The following RHBDL3 variants were observed in gnomAD, a reference collection of about 807,000 sequenced individuals.
The protein encoded by RHBDL3 is rhomboid-related protein 3.
A neutral mutation model predicts 48.2 loss-of-function variants in RHBDL3; 28 were observed. The observed-to-expected ratio is 0.58, with a 90% CI of 0.43 to 0.80. The LOEUF is 0.80. Ranked by LOEUF, RHBDL3 falls within the 30% of genes least tolerant of loss-of-function variation. The pLI is 0.00. For synonymous variants in RHBDL3, 208 were observed against 232.3 expected (o/e 0.90, Z 0.95); for missense variants, 464 against 542.7 (o/e 0.85, Z 1.44).
At chr17:32,297,094 A>G (rs1161168187) in intron 5 of RHBDL3, among the ~76,000 whole-genome samples, 1 of 151,274 alleles carries the variant, frequency 6.6e-6, no homozygotes, top group Non-Finnish European at 1.5e-5. Context: ...CAGGTGATCC[A>G]CCTGTCTGGG....
chr17:32,270,519 G>A (rs886291818), intron 2 of RHBDL3, among the ~76,000 whole-genome samples: 1 of 151,912 alleles, frequency 6.6e-6, no homozygotes, highest in African/African-American at 2.4e-5. Context: ...GGTCACCGTC[G>A]AACTAAATGG....
intron 2 of RHBDL3, among the ~76,000 whole-genome samples, chr17:32,276,974 C>T (rs1406522345): frequency 6.7e-6 from 1 of 149,310 alleles, no homozygotes; most frequent in Non-Finnish European, 1.5e-5. Context: ...CACAGTACTG[C>T]AGCCCTAGCA....
At chr17:32,292,464 AG>A (rs2040352971) in intron 4 of RHBDL3, among the ~76,000 whole-genome samples, 1 of 152,194 alleles carries the variant, frequency 6.6e-6, no homozygotes, top group African/African-American at 2.4e-5. Flanking sequence ...AATAGTCAAA[AG>A]GTAGAAGCAA....
chr17:32,319,213 G>A (rs1017132146), intron 8 of RHBDL3, among the ~76,000 whole-genome samples: 3 of 151,906 alleles, frequency 2.0e-5, no homozygotes, highest in African/African-American at 4.8e-5. Context: ...ACGAGGTCAG[G>A]AGATAGAGAC....
chr17:32,288,728 A>G, intron 3 of RHBDL3, 64 bp from the exon 4 acceptor site: 1 of 1,225,164 alleles, frequency 8.2e-7, no homozygotes, highest in African/African-American at 1.5e-5. Context: ...GCTGGCTGGG[A>G]AGTGGGTGGG....
intron 7 of RHBDL3, among the ~76,000 whole-genome samples, chr17:32,314,144 T>G (rs2150752958): frequency 6.6e-6 from 1 of 152,120 alleles, no homozygotes; most frequent in Admixed American, 6.5e-5. Context: ...ACATGAAGAT[T>G]AGTGAAGATT....
At chr17:32,275,013 C>T (rs1039071609) in intron 2 of RHBDL3, among the ~76,000 whole-genome samples, 1 of 151,846 alleles carries the variant, frequency 6.6e-6, no homozygotes, top group Non-Finnish European at 1.5e-5. Context: ...CATGCACCCG[C>T]TCTGCATCTT....
Position 32,285,187 on chromosome 17 carries a change from A to G in RHBDL3, c.294+370A>G, listed in dbSNP as rs998833114. On this transcript the variant is annotated intron_variant, in intron 3 of 8. Coordinates refer to ENST00000269051, the MANE Select transcript of RHBDL3 (RefSeq NM_138328.3). Reference sequence around the variant, plus strand: ...GGGAGAGAGAAGAGGAGGGGAGGGGAGAGAGAGGAGAGAGAAACCCTTCTT... The same window carrying G: ...GGGAGAGAGAAGAGGAGGGGAGGGGGGAGAGAGGAGAGAGAAACCCTTCTT... 1.8e-4 allele frequency among the ~76,000 whole-genome samples: 27 copies of G among 152,020 alleles called. 1 individual carries two copies. Among genetic ancestry groups the G allele is most frequent in the Middle Eastern group, 6.8e-3 (2 of 292 alleles).
In RHBDL3 at chr17:32,305,443, T is replaced by C. The variant is rs867201553; in HGVS notation, c.882+2T>C. On this transcript the variant is annotated splice_donor_variant, in intron 7 of 8. Coordinates refer to ENST00000269051, the MANE Select transcript of RHBDL3 (RefSeq NM_138328.3). LOFTEE classifies it high-confidence loss of function. ...GCCCATCTGGCCAACATTGTCATGG[T>C]GAGCACCTCCCGTTCTCAATGTGTC... 1.9e-6 allele frequency: 3 copies of C among 1,590,430 alleles called. No homozygotes were observed. The Middle Eastern group carries it at 5.0e-4, about 264-fold the overall frequency.
At chr17:32,275,151 T>G (rs1217956804) in intron 2 of RHBDL3, among the ~76,000 whole-genome samples, 1 of 152,124 alleles carries the variant, frequency 6.6e-6, no homozygotes, top group African/African-American at 2.4e-5. Flanking sequence ...TGGGGCGATG[T>G]CAGATCCCTC....
At chr17:32,312,646 T>G (rs945263987) in intron 7 of RHBDL3, among the ~76,000 whole-genome samples, 2 of 151,896 alleles carry the variant, frequency 1.3e-5, no homozygotes, top group African/African-American at 4.8e-5. Flanking sequence ...GCCTCCAGAG[T>G]AGCTGGGGTT....
rs202194628 is a variant in RHBDL3 at position 32,305,411 on chromosome 17, C to T, written c.852C>T (p.Leu284=). The part of the protein sequence containing the change: ...VVGSSGGVYA[L]VSAHLANIVM... ...GCTCTTCTGGAGGGGTGTATGCTCT[C>T]GTCTCTGCCCATCTGGCCAACATTG... The change falls in exon 7 of 9, where the codon CTC becomes CTT. Residue 284 remains leucine, a synonymous_variant. Transcript: ENST00000269051. The T allele has an allele frequency of 7.4e-6, 12 of 1,613,260 alleles. No homozygotes were observed. The Admixed American group carries it at 8.3e-5, about 11-fold the overall frequency.
At chr17:32,283,420 C>T (rs995809277) in intron 2 of RHBDL3, among the ~76,000 whole-genome samples, 1 of 144,258 alleles carries the variant, frequency 6.9e-6, no homozygotes, top group African/African-American at 2.6e-5. Context: ...CTCCCAGGTT[C>T]ACGCCATACT....
chr17:32,293,388 C>T (rs994952243), intron 4 of RHBDL3, among the ~76,000 whole-genome samples: 4 of 151,930 alleles, frequency 2.6e-5, no homozygotes, highest in Non-Finnish European at 5.9e-5. Context: ...TCTAAACTGG[C>T]CTGGCCAACA....
At chr17:32,306,798 A>G (rs1397784084) in intron 7 of RHBDL3, among the ~76,000 whole-genome samples, 1 of 151,986 alleles carries the variant, frequency 6.6e-6, no homozygotes, top group Non-Finnish European at 1.5e-5. Context: ...GTGCATGGCT[A>G]TAGTCCCAGC....
intron 8 of RHBDL3, among the ~76,000 whole-genome samples, chr17:32,318,894 C>CA (rs554918691): frequency 5.9e-5 from 9 of 152,132 alleles, no homozygotes; most frequent in Non-Finnish European, 1.2e-4. Flanking sequence ...TTCAAGAAAT[C>CA]AGGTCTGCCC....
At chr17:32,285,566 C>A (rs568021356) in intron 3 of RHBDL3, among the ~76,000 whole-genome samples, 6 of 152,046 alleles carry the variant, frequency 3.9e-5, no homozygotes, top group African/African-American at 1.5e-4. Context: ...GTTAGTGCTG[C>A]GCTATTTCAG....
intron 6 of RHBDL3, among the ~76,000 whole-genome samples, chr17:32,303,259 G>T (rs2040628290): frequency 6.6e-6 from 1 of 152,190 alleles, no homozygotes; most frequent in African/African-American, 2.4e-5. Context: ...CTCTGGGCCA[G>T]TTTGTACAGA....
chr17:32,305,537 C>T (rs1413585742), intron 7 of RHBDL3, 96 bp downstream of exon 7: 7 of 854,956 alleles, frequency 8.2e-6, no homozygotes, highest in Non-Finnish European at 1.2e-5. Context: ...CACCAAAAAC[C>T]AGGCAGACCT....
Sources: allele counts gnomAD v4.1 joint callset (sites outside exome capture counted in the v4.1 genomes callset), GRCh38; gene constraint gnomAD v4.1.1; transcripts MANE v1.5; gene names NCBI Gene and HGNC (gene_info 2026-07-23, HGNC 2026-07-21).